PPP3R1: variants seen among roughly 807,000 people sequenced by gnomAD.
PPP3R1 encodes the protein calcineurin subunit B type 1.
PPP3R1 carries 5 observed loss-of-function variants against 22.6 expected under a neutral mutation model. The ratio of observed to expected loss-of-function variants is 0.22; its 90% confidence interval spans 0.12 to 0.46. The LOEUF is 0.46. Among genes scored for constraint, PPP3R1 ranks in the 20% least tolerant of loss-of-function variants. The pLI is 0.99. For synonymous variants in PPP3R1, 56 were observed against 65.2 expected, an observed-to-expected ratio of 0.86 and a Z score of 0.68; for missense variants, 61 against 203.2, an observed-to-expected ratio of 0.30 and a Z score of 4.25.
chr2:68,212,559 T>C (rs1231229152), intron 2 of PPP3R1, among the ~76,000 whole-genome samples: 1 of 152,236 alleles, frequency 6.6e-6, no homozygotes, highest in Admixed American at 6.5e-5. Context: ...CGTTACTCTC[T>C]ATGTACATTT....
chr2:68,190,545 G>A (rs115998691), intron 2 of PPP3R1, among the ~76,000 whole-genome samples: 2,470 of 152,124 alleles, frequency 0.016, 68 homozygotes, highest in African/African-American at 0.056. Flanking sequence ...TAGCCTGGGC[G>A]ACAAAAGGGA....
chr2:68,203,601 C>CAAA (rs35483386), intron 2 of PPP3R1, among the ~76,000 whole-genome samples: 22 of 142,304 alleles, frequency 1.5e-4, no homozygotes, highest in African/African-American at 4.1e-4. Flanking sequence ...AACTCTGTCT[C>CAAA]AAAAAAAAAA....
At chr2:68,189,535 C>G (rs1674617729) in intron 2 of PPP3R1, among the ~76,000 whole-genome samples, 1 of 152,092 alleles carries the variant, frequency 6.6e-6, no homozygotes, top group Admixed American at 6.6e-5. Context: ...TAATTTTGAT[C>G]ATGACTTTAT....
chr2:68,190,314 T>C (rs112720812), intron 2 of PPP3R1, among the ~76,000 whole-genome samples: 6,415 of 140,030 alleles, frequency 0.046, 422 homozygotes, highest in African/African-American at 0.15. Flanking sequence ...CCTGTAATCC[T>C]AGCACTTCAG....
intron 2 of PPP3R1, among the ~76,000 whole-genome samples, chr2:68,203,804 A>G (rs1458550832): frequency 1.3e-5 from 2 of 152,162 alleles, no homozygotes; most frequent in Non-Finnish European, 2.9e-5. Context: ...TGAATGTGAA[A>G]CTGTTTACTA....
intron 1 of PPP3R1, among the ~76,000 whole-genome samples, chr2:68,232,224 T>C (rs1558641446): frequency 6.8e-5 from 2 of 29,502 alleles, no homozygotes; most frequent in African/African-American, 1.8e-4. Context: ...TATGTATATA[T>C]GTGTGTGTGT....
At chr2:68,214,389 T>C (rs1015367561) in intron 2 of PPP3R1, among the ~76,000 whole-genome samples, 1 of 151,954 alleles carries the variant, frequency 6.6e-6, no homozygotes, top group Non-Finnish European at 1.5e-5. Flanking sequence ...TACGCATCTA[T>C]CAAAGGTCTA....
rs200120953 is a variant in PPP3R1 at position 68,200,223 on chromosome 2, T to C, written c.44-11533A>G. Among the ~76,000 whole-genome samples, 25 of 152,210 alleles carry C rather than the reference T, an allele frequency of 1.6e-4. No homozygotes were observed. The East Asian group carries it at 3.3e-3, about 20-fold the overall frequency. On this transcript the variant is annotated intron_variant, in intron 2 of 5. Transcript: ENST00000234310. ...CTTCTAACATTCTTTTGTTATCCTT[T>C]TAACATCTGTAAGGATCTGCAATGA...
intron 1 of PPP3R1, among the ~76,000 whole-genome samples, chr2:68,242,090 C>T (rs1304719750): frequency 1.3e-5 from 2 of 152,172 alleles, no homozygotes; most frequent in African/African-American, 2.4e-5. Context: ...CCACATACAG[C>T]TAGTGTCTAC....
intron 2 of PPP3R1, among the ~76,000 whole-genome samples, chr2:68,202,406 TTTG>T (rs71906115): frequency 0.46 from 66,864 of 146,042 alleles, 15,104 homozygotes; most frequent in South Asian, 0.62. Flanking sequence ...TTTTTCGTTT[TTTG>T]TTGTTGTTGT....
intron 2 of PPP3R1, among the ~76,000 whole-genome samples, chr2:68,189,445 T>C (rs566684277): frequency 5.1e-4 from 77 of 152,382 alleles, no homozygotes; most frequent in Non-Finnish European, 1.1e-3. Context: ...ATATAAATTC[T>C]TGAAACAACA....
chr2:68,220,561 A>G (rs1446016633), intron 1 of PPP3R1, among the ~76,000 whole-genome samples: 3 of 152,220 alleles, frequency 2.0e-5, no homozygotes, highest in Non-Finnish European at 4.4e-5. Context: ...ATAGAAAACA[A>G]ATCTCAGATC....
chr2:68,229,965 T>TACACACGTACACACAC (rs1669858245), intron 1 of PPP3R1, among the ~76,000 whole-genome samples: 1 of 49,494 alleles, frequency 2.0e-5, no homozygotes, highest in African/African-American at 1.1e-4. Context: ...TGTGTATATA[T>TACACACGTACACACAC]ACACACATAC....
intron 1 of PPP3R1, among the ~76,000 whole-genome samples, chr2:68,221,694 G>A (rs1669691295): frequency 6.7e-6 from 1 of 149,534 alleles, no homozygotes. Context: ...AAAAAAAAAA[G>A]CCACATAATA....
In PPP3R1 at chr2:68,217,142, A is replaced by G. The variant is rs757972040; in HGVS notation, c.4-11T>C. ...ACTTGCCTCATTTCCCTGGGGGGAA[A>G]GAAAGAAATAATTAGTCATAAAATA... On this transcript the variant is annotated splice_polypyrimidine_tract_variant and intron_variant, in intron 1 of 5. Coordinates refer to ENST00000234310, the MANE Select transcript of PPP3R1 (RefSeq NM_000945.4). The G allele has an allele frequency of 1.3e-6, 2 of 1,575,772 alleles. No homozygotes were observed. Among genetic ancestry groups the G allele is most frequent in the Admixed American group, 3.5e-5 (2 of 57,356 alleles).
At chr2:68,220,341 G>A (rs939344398) in intron 1 of PPP3R1, among the ~76,000 whole-genome samples, 6 of 152,172 alleles carry the variant, frequency 3.9e-5, no homozygotes, top group Non-Finnish European at 7.4e-5. Context: ...TCCAGTCTCT[G>A]CATAAGTTTG....
intron 5 of PPP3R1, among the ~76,000 whole-genome samples, chr2:68,182,565 C>T (rs901492507): frequency 6.6e-6 from 1 of 151,496 alleles, no homozygotes; most frequent in African/African-American, 2.4e-5. Context: ...CCTGTAATCC[C>T]AGCACTTTGG....
chr2:68,222,990 C>T (rs1274557785), intron 1 of PPP3R1, among the ~76,000 whole-genome samples: 1 of 152,156 alleles, frequency 6.6e-6, no homozygotes, highest in East Asian at 1.9e-4. Flanking sequence ...AATCCAAAAA[C>T]ATACCAATCC....
At chr2:68,222,557 G>C (rs1056937497) in intron 1 of PPP3R1, among the ~76,000 whole-genome samples, 2 of 152,174 alleles carry the variant, frequency 1.3e-5, no homozygotes, top group Non-Finnish European at 2.9e-5. Flanking sequence ...TGCCTGAGCT[G>C]CAAAGTCAAG....
Sources: allele counts gnomAD v4.1 joint callset (sites outside exome capture counted in the v4.1 genomes callset), GRCh38; gene constraint gnomAD v4.1.1; transcripts MANE v1.5; gene names NCBI Gene and HGNC (gene_info 2026-07-23, HGNC 2026-07-21).